The following ANXA8 variants were observed in gnomAD, a reference collection of about 807,000 sequenced individuals.
ANXA8 encodes the protein annexin A8.
Under a neutral mutation model 26.8 loss-of-function variants are expected in ANXA8, and 9 were observed. The observed-to-expected ratio is 0.34, with a 90% confidence interval of 0.20 to 0.59. The LOEUF (loss-of-function observed/expected upper bound fraction) is 0.59. Among genes scored for constraint, ANXA8 ranks in the 20% least tolerant of loss-of-function variants. The pLI is 0.84. For missense variants in ANXA8, 83 were observed against 238.5 expected (o/e 0.35, Z 4.29); for synonymous variants, 39 against 94.8 (o/e 0.41, Z 3.42).
At chr10:47,702,782 C>T in the ANXA8 span, among the ~76,000 whole-genome samples, 4 of 151,672 alleles carry the variant, frequency 2.6e-5, no homozygotes, top group Admixed American at 2.0e-4. Flanking sequence ...CATAGGTGTG[C>T]ACTACCACGC....
chr10:47,483,589 A>T (rs1839926550), intron 1 of ANXA8, among the ~76,000 whole-genome samples: 2 of 141,598 alleles, frequency 1.4e-5, no homozygotes, highest in Admixed American at 7.1e-5. Context: ...ACAAGGCTCA[A>T]CCATGATACC....
chr10:47,623,372 A>G, the ANXA8 span, among the ~76,000 whole-genome samples: 3 of 112,834 alleles, frequency 2.7e-5, 1 homozygote, highest in African/African-American at 1.0e-4. Context: ...GTTACTTTAA[A>G]AAAATATATC....
chr10:47,679,536 A>G, the ANXA8 span, among the ~76,000 whole-genome samples: 1 of 151,144 alleles, frequency 6.6e-6, no homozygotes, highest in Non-Finnish European at 1.5e-5. Flanking sequence ...GATTGCTTGA[A>G]CTCACGAGGT....
chr10:47,524,516 C>T, the ANXA8 span, among the ~76,000 whole-genome samples: 2 of 40,224 alleles, frequency 5.0e-5, no homozygotes, highest in African/African-American at 9.4e-5. Context: ...CTTTTCTCCC[C>T]GCTATTTCTT....
At chr10:47,605,815 A>C in the ANXA8 span, among the ~76,000 whole-genome samples, 2 of 146,610 alleles carry the variant, frequency 1.4e-5, no homozygotes, top group Middle Eastern at 3.5e-3. Context: ...GTCAGCACTT[A>C]TAAACATAGT....
At chr10:47,669,302 TGAAGATTCCGTGGAC>T in the ANXA8 span, among the ~76,000 whole-genome samples, 1 of 150,898 alleles carries the variant, frequency 6.6e-6, no homozygotes, top group Non-Finnish European at 1.5e-5. Flanking sequence ...CTGAGCCTTT[TGAAGATTCCGTGGAC>T]GAAGGTTGGT....
chr10:47,700,359 G>C, the ANXA8 span, among the ~76,000 whole-genome samples: 1 of 151,998 alleles, frequency 6.6e-6, no homozygotes, highest in Admixed American at 6.5e-5. Context: ...CCTACATATA[G>C]CAATTTAATA....
At chr10:47,674,671 T>G in the ANXA8 span, among the ~76,000 whole-genome samples, 1 of 151,838 alleles carries the variant, frequency 6.6e-6, no homozygotes, top group Non-Finnish European at 1.5e-5. Flanking sequence ...TCTGTATAAA[T>G]TATTTAGATT....
the ANXA8 span, among the ~76,000 whole-genome samples, chr10:47,673,587 G>T: frequency 1.6e-4 from 24 of 151,274 alleles, no homozygotes; most frequent in Admixed American, 2.0e-4. Context: ...TGCGACTGGA[G>T]AGCAAGGAGA....
chr10:47,744,410 G>GGGGGGGGGT, the ANXA8 span, among the ~76,000 whole-genome samples: 23 of 53,674 alleles, frequency 4.3e-4, no homozygotes, highest in African/African-American at 1.1e-3. Context: ...AAGGCTCCTG[G>GGGGGGGGGT]TGGGGGGGGG....
the ANXA8 span, among the ~76,000 whole-genome samples, chr10:47,881,859 CTA>C: frequency 8.6e-5 from 13 of 150,738 alleles, no homozygotes; most frequent in Non-Finnish European, 1.8e-4. Context: ...GTGTTTGTGT[CTA>C]TGTGTGTGTT....
the ANXA8 span, among the ~76,000 whole-genome samples, chr10:47,900,853 T>C: frequency 1.3e-5 from 2 of 151,070 alleles, no homozygotes; most frequent in African/African-American, 4.9e-5. Flanking sequence ...TATAGAAGAA[T>C]GTAAACAAGA....
the ANXA8 span, among the ~76,000 whole-genome samples, chr10:47,675,869 A>G: frequency 2.6e-5 from 4 of 151,920 alleles, no homozygotes; most frequent in Non-Finnish European, 4.4e-5. Flanking sequence ...AAGGTTAACA[A>G]TATGCTTGAA....
At chr10:47,671,047 A>T in the ANXA8 span, among the ~76,000 whole-genome samples, 9 of 151,958 alleles carry the variant, frequency 5.9e-5, no homozygotes, top group African/African-American at 1.9e-4. Flanking sequence ...TGGTCCCAGC[A>T]GAAGTGAAGT....
the ANXA8 span, among the ~76,000 whole-genome samples, chr10:47,632,494 C>T: frequency 6.8e-6 from 1 of 146,396 alleles, no homozygotes; most frequent in Non-Finnish European, 1.5e-5. Context: ...TTCAGCTCTG[C>T]ACCATTGTGT....
chr10:47,655,955 A>C, the ANXA8 span, among the ~76,000 whole-genome samples: 3,297 of 151,770 alleles, frequency 0.022, 71 homozygotes, highest in African/African-American at 0.075. Context: ...GGGAGGTGGA[A>C]GTTTCGGTGA....
the ANXA8 span, chr10:47,490,222 G>T: frequency 5.7e-6 from 1 of 175,510 alleles, no homozygotes; most frequent in Non-Finnish European, 1.2e-5. Flanking sequence ...TTAAAGTGTG[G>T]GTGGTAGCGT....
At chr10:47,603,304 T>G in the ANXA8 span, among the ~76,000 whole-genome samples, 3 of 149,382 alleles carry the variant, frequency 2.0e-5, no homozygotes, top group Non-Finnish European at 4.4e-5. Context: ...CAACATATTA[T>G]AGAAAGAAAT....
At chr10:47,609,292 A>G in the ANXA8 span, among the ~76,000 whole-genome samples, 1 of 147,642 alleles carries the variant, frequency 6.8e-6, no homozygotes, top group Admixed American at 6.7e-5. Flanking sequence ...AACCTCCAGC[A>G]GAATTAGCCA....
Sources: gnomAD v4.1 joint callset for allele counts (sites outside exome capture counted in the v4.1 genomes callset) on GRCh38, gnomAD v4.1.1 for gene constraint, MANE v1.5 for transcripts, NCBI Gene and HGNC (gene_info 2026-07-23, HGNC 2026-07-21) for gene names.